The following GLRA1 variants were observed in gnomAD, a reference collection of about 807,000 sequenced individuals.
The protein encoded by GLRA1 is glycine receptor subunit alpha-1.
In GLRA1, 37 loss-of-function variants were observed where a neutral mutation model predicts 48.3. The ratio of observed to expected loss-of-function variants is 0.77; its 90% CI spans 0.59 to 1.01. GLRA1 has a LOEUF of 1.01. GLRA1 is among the 50% of genes least tolerant of loss of function. The probability of loss-of-function intolerance (pLI) is 0.00; values close to 1 mark genes in which losing one functional copy is unlikely to be tolerated. For missense variants in GLRA1, 427 were observed against 571.0 expected (o/e 0.75, Z 2.57); for synonymous variants, 196 against 210.7 (o/e 0.93, Z 0.60).
intron 1 of GLRA1, among the ~76,000 whole-genome samples, chr5:151,905,316 A>G (rs1271719218): frequency 6.6e-6 from 1 of 152,082 alleles, no homozygotes; most frequent in African/African-American, 2.4e-5. Flanking sequence ...TTTTTCCTCT[A>G]CAGATCATAA....
At chr5:151,899,097 G>T (rs973036075) in intron 1 of GLRA1, among the ~76,000 whole-genome samples, 1 of 152,158 alleles carries the variant, frequency 6.6e-6, no homozygotes, top group Non-Finnish European at 1.5e-5. Context: ...TTGTGGGTAG[G>T]CTCTGTCTTG....
chr5:151,827,978 T>C (rs537632269), intron 8 of GLRA1, among the ~76,000 whole-genome samples: 45 of 152,312 alleles, frequency 3.0e-4, no homozygotes, highest in Admixed American at 7.2e-4. Flanking sequence ...TGTTAGGCAT[T>C]GTGTTAGGCA....
intron 1 of GLRA1, among the ~76,000 whole-genome samples, chr5:151,912,498 G>T (rs571614543): frequency 2.6e-5 from 4 of 152,298 alleles, no homozygotes; most frequent in South Asian, 2.1e-4. Context: ...GCAAGGGAAA[G>T]GTTGAGCGAG....
At chr5:151,893,160 C>G (rs575295125) in intron 1 of GLRA1, among the ~76,000 whole-genome samples, 1 of 152,276 alleles carries the variant, frequency 6.6e-6, no homozygotes, top group African/African-American at 2.4e-5. Flanking sequence ...AACAGGGATG[C>G]ATTACACTGT....
intron 3 of GLRA1, among the ~76,000 whole-genome samples, chr5:151,877,464 G>A (rs1223762188): frequency 2.0e-5 from 3 of 152,070 alleles, no homozygotes; most frequent in Non-Finnish European, 4.4e-5. Flanking sequence ...ACAAATGAAT[G>A]AAGAGATACC....
chr5:151,822,999 A>T, intron 8 of GLRA1, 36 bp from the exon 9 acceptor site: 2 of 1,556,282 alleles, frequency 1.3e-6, no homozygotes, highest in Non-Finnish European at 1.7e-6. Context: ...TACTTAAAAT[A>T]AGACAGGGGC....
intron 3 of GLRA1, among the ~76,000 whole-genome samples, chr5:151,860,258 T>A (rs1753160482): frequency 6.6e-6 from 1 of 152,222 alleles, no homozygotes; most frequent in Non-Finnish European, 1.5e-5. Flanking sequence ...GTAAATGTTA[T>A]TCTTTATTTT....
At chr5:151,879,831 C>G (rs112342175) in intron 3 of GLRA1, among the ~76,000 whole-genome samples, 1 of 152,190 alleles carries the variant, frequency 6.6e-6, no homozygotes, top group Admixed American at 6.5e-5. Flanking sequence ...GGGCCAGGAG[C>G]GGAATGATAT....
At chr5:151,872,713 A>G (rs1304557374) in intron 3 of GLRA1, among the ~76,000 whole-genome samples, 1 of 149,948 alleles carries the variant, frequency 6.7e-6, no homozygotes, top group African/African-American at 2.5e-5. Context: ...AGGAGGCTAT[A>G]AAGCCTGGAA....
intron 1 of GLRA1, among the ~76,000 whole-genome samples, chr5:151,897,482 T>G (rs1754252148): frequency 6.6e-6 from 1 of 151,950 alleles, no homozygotes; most frequent in Admixed American, 6.6e-5. Flanking sequence ...ATTACTAAAA[T>G]ACAATGGGTG....
chr5:151,877,982 A>G (rs574948557), intron 3 of GLRA1, among the ~76,000 whole-genome samples: 2 of 152,360 alleles, frequency 1.3e-5, no homozygotes, highest in South Asian at 4.1e-4. Context: ...CACTGCTGAA[A>G]AGATACCCAA....
At chr5:151,839,419 A>G (rs1159188616) in intron 7 of GLRA1, among the ~76,000 whole-genome samples, 1 of 152,250 alleles carries the variant, frequency 6.6e-6, no homozygotes, top group Non-Finnish European at 1.5e-5. Context: ...TGAGTAAATC[A>G]ATGATTGTAA....
At chr5:151,880,021 T>C (rs572225555) in intron 3 of GLRA1, among the ~76,000 whole-genome samples, 1 of 152,324 alleles carries the variant, frequency 6.6e-6, no homozygotes, top group South Asian at 2.1e-4. Context: ...ACAAGCTCTC[T>C]CTTTGCCTGC....
chr5:151,907,374 G>A (rs185183318), intron 1 of GLRA1, among the ~76,000 whole-genome samples: 2 of 152,156 alleles, frequency 1.3e-5, no homozygotes, highest in Non-Finnish European at 2.9e-5. Context: ...CACCTCCTAG[G>A]TGAGTATTTT....
chr5:151,921,431 A>G (rs1469532185), intron 1 of GLRA1, among the ~76,000 whole-genome samples: 1 of 152,238 alleles, frequency 6.6e-6, no homozygotes. Context: ...TTTGATGGTC[A>G]TGACTCAGGG....
intron 7 of GLRA1, chr5:151,849,145 T>TTTCTTTCTTTCTTTCC (rs1752785270): frequency 5.9e-6 from 1 of 169,230 alleles, no homozygotes; most frequent in African/African-American, 5.6e-5. Context: ...TCTTTCTTTC[T>TTTCTTTCTTTCTTTCC]TTCTTTCTTT....
At chr5:151,873,665 CAAAA>C (rs60113920) in intron 3 of GLRA1, among the ~76,000 whole-genome samples, 8 of 107,910 alleles carry the variant, frequency 7.4e-5, no homozygotes, top group Non-Finnish European at 7.8e-5. Flanking sequence ...CACTTTGTCT[CAAAA>C]AAAAAAAAAA....
At chr5:151,829,275 T>G (rs1763364294) in intron 7 of GLRA1, among the ~76,000 whole-genome samples, 1 of 152,174 alleles carries the variant, frequency 6.6e-6, no homozygotes, top group Non-Finnish European at 1.5e-5. Flanking sequence ...GTAAATAGAT[T>G]ATGGTACCTA....
intron 1 of GLRA1, among the ~76,000 whole-genome samples, chr5:151,908,592 C>T (rs536244089): frequency 3.3e-5 from 5 of 152,262 alleles, no homozygotes; most frequent in Middle Eastern, 3.4e-3. Flanking sequence ...CCAGAGTAGA[C>T]CTGAGTTGAG....
Sources: gnomAD v4.1 joint callset for allele counts (sites outside exome capture counted in the v4.1 genomes callset) on GRCh38, gnomAD v4.1.1 for gene constraint, MANE v1.5 for transcripts, NCBI Gene and HGNC (gene_info 2026-07-23, HGNC 2026-07-21) for gene names.